STAU2: variants seen among roughly 807,000 people sequenced by gnomAD.
The protein encoded by STAU2 is double-stranded RNA-binding protein Staufen homolog 2.
STAU2 carries 20 observed loss-of-function variants against 65.9 expected under a neutral mutation model. The ratio of observed to expected loss-of-function variants is 0.30; its 90% CI spans 0.21 to 0.44. STAU2 has a LOEUF of 0.44. STAU2 is among the 20% of genes least tolerant of loss of function. The pLI is 1.00. For missense variants in STAU2, 558 were observed against 683.9 expected, an observed-to-expected ratio of 0.82 and a Z score of 2.05; for synonymous variants, 232 against 233.9, an observed-to-expected ratio of 0.99 and a Z score of 0.07.
At chr8:73,656,773 A>T (rs1260388919) in intron 6 of STAU2, among the ~76,000 whole-genome samples, 1 of 152,208 alleles carries the variant, frequency 6.6e-6, no homozygotes, top group East Asian at 1.9e-4. Context: ...ATCTGCCTTT[A>T]TTTCTCAACT....
chr8:73,678,663 G>C (rs1251326628), intron 5 of STAU2, among the ~76,000 whole-genome samples: 1 of 152,170 alleles, frequency 6.6e-6, no homozygotes, highest in Non-Finnish European at 1.5e-5. Flanking sequence ...TAAAAAGCAA[G>C]TGTTAAATAT....
chr8:73,651,743 A>C, intron 6 of STAU2: 1 of 427,214 alleles, frequency 2.3e-6, no homozygotes, highest in Non-Finnish European at 4.4e-6. Flanking sequence ...AGCCCTGTCC[A>C]CGGGGCCCTG....
At chr8:73,619,128 T>C (rs191278112) in intron 6 of STAU2, among the ~76,000 whole-genome samples, 2 of 152,196 alleles carry the variant, frequency 1.3e-5, no homozygotes, top group Non-Finnish European at 2.9e-5. Context: ...TAGGTGGTAT[T>C]TAAAGGCATA....
chr8:73,490,103 C>T (rs1181455825), intron 13 of STAU2, among the ~76,000 whole-genome samples: 1 of 152,012 alleles, frequency 6.6e-6, no homozygotes, highest in Non-Finnish European at 1.5e-5. Context: ...AGATGACAGA[C>T]AACTTGAGTG....
At chr8:73,617,494 C>A in intron 6 of STAU2, 43 bp from the exon 7 acceptor site, 1 of 1,553,996 alleles carries the variant, frequency 6.4e-7, no homozygotes. Context: ...CTTAATAAAA[C>A]CACTCTATAA....
chr8:73,447,930 G>A (rs964720146), intron 13 of STAU2, among the ~76,000 whole-genome samples: 18 of 152,184 alleles, frequency 1.2e-4, no homozygotes, highest in African/African-American at 3.9e-4. Flanking sequence ...AAGACACACC[G>A]GGACATTCCC....
intron 9 of STAU2, among the ~76,000 whole-genome samples, chr8:73,610,843 A>C (rs1812400306): frequency 6.6e-6 from 1 of 152,176 alleles, no homozygotes; most frequent in Admixed American, 6.5e-5. Flanking sequence ...CTATACAGTG[A>C]CTCTGAAAAT....
At chr8:73,476,248 T>C (rs1458699328) in intron 13 of STAU2, among the ~76,000 whole-genome samples, 1 of 152,170 alleles carries the variant, frequency 6.6e-6, no homozygotes, top group African/African-American at 2.4e-5. Flanking sequence ...GACATTTAGC[T>C]GAGATGAATC....
chr8:73,685,348 C>T (rs931260107), intron 5 of STAU2, among the ~76,000 whole-genome samples: 1 of 151,022 alleles, frequency 6.6e-6, no homozygotes, highest in Non-Finnish European at 1.5e-5. Flanking sequence ...AGGATGTTGG[C>T]GTGGATGTGG....
chr8:73,481,761 C>T (rs16938679), intron 13 of STAU2, among the ~76,000 whole-genome samples: 16,930 of 152,040 alleles, frequency 0.11, 1,307 homozygotes, highest in African/African-American at 0.22. Context: ...GTAGGAAATA[C>T]TGCTTGTTGA....
intron 13 of STAU2, among the ~76,000 whole-genome samples, chr8:73,454,572 T>C (rs891642988): frequency 6.6e-6 from 1 of 152,174 alleles, no homozygotes; most frequent in Non-Finnish European, 1.5e-5. Context: ...CTCAATAGAA[T>C]GGGGTCCTAG....
At chr8:73,558,689 A>G (rs1296333347) in intron 12 of STAU2, among the ~76,000 whole-genome samples, 1 of 152,222 alleles carries the variant, frequency 6.6e-6, no homozygotes, top group Non-Finnish European at 1.5e-5. Flanking sequence ...CAAGAAAGAT[A>G]ATGCCACTGA....
At chr8:73,688,355 A>G (rs1819088912) in intron 5 of STAU2, among the ~76,000 whole-genome samples, 1 of 151,718 alleles carries the variant, frequency 6.6e-6, no homozygotes, top group African/African-American at 2.4e-5. Flanking sequence ...TAGTAGAGAC[A>G]GGGTTTCACC....
At chr8:73,711,131 CAAAAAAAAAAAAAA>C (rs751087630) in intron 3 of STAU2, among the ~76,000 whole-genome samples, 2 of 31,104 alleles carry the variant, frequency 6.4e-5, no homozygotes, top group Non-Finnish European at 1.4e-4. Flanking sequence ...AAGTGGCTTG[CAAAAAAAAAAAAAA>C]AAAAAAAAAA....
chr8:73,743,374 G>A (rs1807021130), intron 1 of STAU2, among the ~76,000 whole-genome samples: 1 of 151,916 alleles, frequency 6.6e-6, no homozygotes, highest in African/African-American at 2.4e-5. Flanking sequence ...TTTGCCTACA[G>A]TCACATTGCT....
At chr8:73,603,674 C>A (rs1351347902) in intron 10 of STAU2, 52 bp downstream of exon 10, 1 of 1,579,728 alleles carries the variant, frequency 6.3e-7, no homozygotes, top group Non-Finnish European at 8.6e-7. Context: ...AATGCCTATT[C>A]CATCCTGGGG....
intron 11 of STAU2, among the ~76,000 whole-genome samples, chr8:73,593,028 T>C (rs533228468): frequency 6.0e-4 from 92 of 152,276 alleles, no homozygotes; most frequent in Admixed American, 4.8e-3. Flanking sequence ...AGGTAGTCTT[T>C]CCTCCTCTTT....
chr8:73,429,566 G>A (rs1817108603), intron 13 of STAU2, among the ~76,000 whole-genome samples: 1 of 150,998 alleles, frequency 6.6e-6, no homozygotes, highest in Non-Finnish European at 1.5e-5. Flanking sequence ...TCAAGCAGCT[G>A]GGACTACAGG....
At chr8:73,689,447 T>C (rs1819171057) in intron 4 of STAU2, among the ~76,000 whole-genome samples, 1 of 152,160 alleles carries the variant, frequency 6.6e-6, no homozygotes, top group Non-Finnish European at 1.5e-5. Flanking sequence ...AAACTATCTT[T>C]CTAAAACACA....
Sources: allele counts gnomAD v4.1 joint callset (sites outside exome capture counted in the v4.1 genomes callset), GRCh38; gene constraint gnomAD v4.1.1; transcripts MANE v1.5; gene names NCBI Gene and HGNC (gene_info 2026-07-23, HGNC 2026-07-21).